DPP10: variants seen among roughly 807,000 people sequenced by gnomAD.
DPP10 encodes dipeptidyl peptidase like 10.
Under a neutral mutation model 120.9 loss-of-function variants are expected in DPP10, and 33 were observed. The ratio of observed to expected loss-of-function variants is 0.27; its 90% confidence interval spans 0.21 to 0.37. The LOEUF is 0.37. Ranked by LOEUF, DPP10 falls within the 10% of genes least tolerant of loss-of-function variation. The probability of loss-of-function intolerance (pLI) is 1.00; values close to 1 mark genes in which losing one functional copy is unlikely to be tolerated. For missense variants in DPP10, 816 were observed against 942.8 expected, an observed-to-expected ratio of 0.87 and a Z score of 1.76; for synonymous variants, 337 against 326.1, an observed-to-expected ratio of 1.03 and a Z score of -0.36.
intron 1 of DPP10, among the ~76,000 whole-genome samples, chr2:114,801,311 T>C (rs539265844): frequency 1.5e-4 from 22 of 142,264 alleles, no homozygotes; most frequent in Admixed American, 1.3e-3. Context: ...GTACAGAAGA[T>C]AGAAGAAAAT....
chr2:114,632,117 T>C lies in DPP10; in HGVS notation c.60+189279T>C, dbSNP rs143834026. Among the ~76,000 whole-genome samples, 75 of 152,306 alleles carry C rather than the reference T, an allele frequency of 4.9e-4. No individual in the cohort carries two copies. The East Asian group carries it at 0.013, about 27-fold the overall frequency. ...AAGTTAGCTTCGGGTTAAATATTTTTTCTCTGTCTTTTTTGCAAGAATAGA... is the reference window on the plus strand; with the variant it reads ...AAGTTAGCTTCGGGTTAAATATTTTCTCTCTGTCTTTTTTGCAAGAATAGA... On this transcript the variant is annotated intron_variant, in intron 1 of 25. Coordinates refer to ENST00000410059, the MANE Select transcript of DPP10 (RefSeq NM_020868.6).
chr2:115,097,734 A>G (rs1402541748), intron 1 of DPP10, among the ~76,000 whole-genome samples: 1 of 152,196 alleles, frequency 6.6e-6, no homozygotes, highest in Non-Finnish European at 1.5e-5. Context: ...CTTAAGTGAG[A>G]GAGAGATTGC....
At chr2:115,388,581 T>C (rs1188514859) in intron 3 of DPP10, among the ~76,000 whole-genome samples, 1 of 152,216 alleles carries the variant, frequency 6.6e-6, no homozygotes, top group Non-Finnish European at 1.5e-5. Context: ...TTCAACTAGC[T>C]CTGCTTGCTT....
Position 115,063,875 on chromosome 2 carries a change from C to T in DPP10, c.61-245364C>T, listed in dbSNP as rs181115695. Among the ~76,000 whole-genome samples, 148 of 152,170 alleles carry T rather than the reference C, an allele frequency of 9.7e-4. 1 individual carries two copies. In the Middle Eastern group the frequency reaches 0.02, roughly 21 times the overall value. ...CAAGGGCAAAAATTTCATGTTGATG[C>T]TGTGTTTTTTTATGTATATAAGGTT... is the stretch of plus-strand genomic sequence containing the variant. On this transcript the variant is annotated intron_variant, in intron 1 of 25. Coordinates refer to ENST00000410059, the MANE Select transcript of DPP10 (RefSeq NM_020868.6).
At chr2:115,235,819 C>T (rs1432089407) in intron 1 of DPP10, among the ~76,000 whole-genome samples, 1 of 152,060 alleles carries the variant, frequency 6.6e-6, no homozygotes, top group Non-Finnish European at 1.5e-5. Flanking sequence ...CCTTGGCCTC[C>T]GAAAGTGCTG....
chr2:114,904,926 G>A (rs1400883976), intron 1 of DPP10, among the ~76,000 whole-genome samples: 5 of 152,126 alleles, frequency 3.3e-5, no homozygotes, highest in Admixed American at 2.6e-4. Flanking sequence ...GGTTTTAGAG[G>A]CAGGAGCTTA....
At position 115,595,962 on chromosome 2, in the gene DPP10, T is replaced by C. The variant is rs184653501; in HGVS notation, c.441+69990T>C. Among the ~76,000 whole-genome samples, 474 of 152,258 alleles carry C rather than the reference T, an allele frequency of 3.1e-3. 2 individuals are homozygous for C. The highest frequency in any genetic ancestry group is 0.011 in the African/African-American group (451 of 41,560). ...TTTATTACAGTGTTGACTGTAACTC[T>C]TGTTTTTAGTGGAAAACCTAGGAGG... On this transcript the variant is annotated intron_variant, in intron 5 of 25. Coordinates refer to ENST00000410059, the MANE Select transcript of DPP10 (RefSeq NM_020868.6).
At chr2:115,130,451 C>A (rs186704109) in intron 1 of DPP10, among the ~76,000 whole-genome samples, 58 of 152,076 alleles carry the variant, frequency 3.8e-4, no homozygotes, top group African/African-American at 1.3e-3. Context: ...CCCATCCAAT[C>A]GGTATTATCC....
At chr2:114,577,060 A>G (rs1690112562) in intron 1 of DPP10, among the ~76,000 whole-genome samples, 1 of 152,172 alleles carries the variant, frequency 6.6e-6, no homozygotes, top group African/African-American at 2.4e-5. Context: ...TCAAGAGGAA[A>G]GAGACAGAGA....
chr2:114,989,267 G>C (rs1162250335), intron 1 of DPP10, among the ~76,000 whole-genome samples: 2 of 152,072 alleles, frequency 1.3e-5, no homozygotes, highest in African/African-American at 2.4e-5. Flanking sequence ...TCTATGCAAG[G>C]TTCTCTTATA....
chr2:115,408,955 C>A (rs1242904621), intron 3 of DPP10, among the ~76,000 whole-genome samples: 2 of 151,700 alleles, frequency 1.3e-5, no homozygotes, highest in African/African-American at 4.8e-5. Flanking sequence ...AATAGTAGAT[C>A]TCTGAGTGAA....
At chr2:115,538,646 T>C (rs756007209) in intron 5 of DPP10, among the ~76,000 whole-genome samples, 13 of 152,012 alleles carry the variant, frequency 8.6e-5, no homozygotes, top group Non-Finnish European at 1.5e-4. Flanking sequence ...TGAAGGATAG[T>C]AATGGACACA....
chr2:114,869,674 C>G (rs1420344455), intron 1 of DPP10, among the ~76,000 whole-genome samples: 2 of 152,118 alleles, frequency 1.3e-5, no homozygotes, highest in Non-Finnish European at 2.9e-5. Context: ...CCATCTAGTT[C>G]CTCCCTATCT....
intron 1 of DPP10, among the ~76,000 whole-genome samples, chr2:114,596,579 T>C (rs1398843481): frequency 1.3e-5 from 2 of 152,142 alleles, no homozygotes; most frequent in Non-Finnish European, 2.9e-5. Flanking sequence ...CATTTTTCGG[T>C]GTTCACTTTG....
At chr2:114,683,484 TCCTTC>T (rs1251015741) in intron 1 of DPP10, among the ~76,000 whole-genome samples, 6 of 150,342 alleles carry the variant, frequency 4.0e-5, no homozygotes, top group African/African-American at 7.3e-5. Flanking sequence ...CAACCTCCTT[TCCTTC>T]CCTTCCCTTC....
At chr2:115,073,917 A>G (rs1205494701) in intron 1 of DPP10, among the ~76,000 whole-genome samples, 1 of 152,230 alleles carries the variant, frequency 6.6e-6, no homozygotes, top group Non-Finnish European at 1.5e-5. Flanking sequence ...GTTAAGGGAA[A>G]GTGATTAAAA....
intron 13 of DPP10, among the ~76,000 whole-genome samples, chr2:115,769,727 A>G (rs1441806694): frequency 6.6e-6 from 1 of 152,096 alleles, no homozygotes; most frequent in East Asian, 1.9e-4. Flanking sequence ...TAAAATGATT[A>G]TATAAGTCAG....
In DPP10 at chr2:114,477,869, GT is replaced by G. The variant is rs1680597216; in HGVS notation, c.60+35032del. Among the ~76,000 whole-genome samples the G allele has an allele frequency of 3.7e-5, 4 of 109,146 alleles. No individual in the cohort carries two copies. In the Admixed American group the frequency reaches 4.6e-4, roughly 12 times the overall value. 71.6% of individuals were successfully genotyped at this position (109,146 alleles called of 152,430 possible). A position where few individuals can be genotyped will look rare whatever the true frequency, so the allele number is the denominator to read the frequency against. On this transcript the variant is annotated intron_variant, in intron 1 of 25. Transcript: ENST00000410059. ...TGCATGTATAAATATATGTATATAT[GT>G]ACATATATGTGTATATATGTACATA...
chr2:114,497,136 G>C (rs1682615335), intron 1 of DPP10, among the ~76,000 whole-genome samples: 2 of 145,026 alleles, frequency 1.4e-5, no homozygotes, highest in South Asian at 2.1e-4. Context: ...TATACATGTA[G>C]GTATACACGT....
Sources: gnomAD v4.1 joint callset for allele counts (sites outside exome capture counted in the v4.1 genomes callset) on GRCh38, gnomAD v4.1.1 for gene constraint, MANE v1.5 for transcripts, NCBI Gene and HGNC (gene_info 2026-07-23, HGNC 2026-07-21) for gene names.